Variants in AGBL4 observed in about 807,000 individuals in gnomAD.
AGBL4 encodes the protein cytosolic carboxypeptidase 6.
Under a neutral mutation model 66.4 loss-of-function variants are expected in AGBL4, and 58 were observed. The ratio of observed to expected loss-of-function variants is 0.87; its 90% CI spans 0.71 to 1.09. The LOEUF (loss-of-function observed/expected upper bound fraction) is 1.09. AGBL4 is among the 50% of genes least tolerant of loss of function. The pLI is 0.00. For missense variants in AGBL4, 579 were observed against 631.0 expected (o/e 0.92, Z 0.88); for synonymous variants, 234 against 222.9 (o/e 1.05, Z -0.44).
chr1:48,969,939 T>C (rs531260999), intron 5 of AGBL4, among the ~76,000 whole-genome samples: 1 of 152,318 alleles, frequency 6.6e-6, no homozygotes, highest in African/African-American at 2.4e-5. Flanking sequence ...ATTCTAAGCA[T>C]ATTACTTGTA....
At chr1:49,940,717 G>A (rs927470394) in intron 1 of AGBL4, among the ~76,000 whole-genome samples, 3 of 152,042 alleles carry the variant, frequency 2.0e-5, no homozygotes, top group Non-Finnish European at 4.4e-5. Flanking sequence ...GGGGGTATGG[G>A]GGAGGGATAG....
At chr1:49,293,897 C>T (rs75125713) in intron 3 of AGBL4, among the ~76,000 whole-genome samples, 1 of 151,736 alleles carries the variant, frequency 6.6e-6, no homozygotes, top group East Asian at 1.9e-4. Context: ...CCAGGGCCAA[C>T]AAAAAAAATT....
At chr1:49,171,939 G>C (rs1057316104) in intron 4 of AGBL4, among the ~76,000 whole-genome samples, 7 of 152,130 alleles carry the variant, frequency 4.6e-5, no homozygotes, top group African/African-American at 1.7e-4. Flanking sequence ...CACTATCTTA[G>C]AGACAGGGAC....
intron 4 of AGBL4, among the ~76,000 whole-genome samples, chr1:49,139,636 G>A (rs1477691622): frequency 1.3e-5 from 2 of 152,158 alleles, no homozygotes; most frequent in East Asian, 1.9e-4. Flanking sequence ...AGCACTGTAT[G>A]TATAATAATT....
intron 4 of AGBL4, among the ~76,000 whole-genome samples, chr1:49,050,434 C>T (rs1039989890): frequency 3.3e-5 from 5 of 151,986 alleles, no homozygotes; most frequent in South Asian, 2.1e-4. Flanking sequence ...TCTAGTTCTC[C>T]GGGACCTATA....
chr1:49,632,490 C>T lies in AGBL4; in HGVS notation c.282+64823G>A, dbSNP rs375395149. Among the ~76,000 whole-genome samples the T allele has an allele frequency of 3.4e-4, 52 of 152,280 alleles. 1 individual carries two copies. The South Asian group carries it at 9.5e-3, about 28-fold the overall frequency. ...ATGTGGAAAAATTTTGTCTTAGAAGCTCATCTGTCCTCCTATGAGAAGATT... is the reference window on the plus strand; with the variant it reads ...ATGTGGAAAAATTTTGTCTTAGAAGTTCATCTGTCCTCCTATGAGAAGATT... On this transcript the variant is annotated intron_variant, in intron 3 of 13. Transcript: ENST00000371839.
At chr1:50,020,661 T>C (rs531629854) in intron 1 of AGBL4, among the ~76,000 whole-genome samples, 2 of 152,172 alleles carry the variant, frequency 1.3e-5, no homozygotes, top group African/African-American at 4.8e-5. Flanking sequence ...ATTTAAATTG[T>C]CAAAAAAACT....
At chr1:48,751,020 C>G (rs1273064800) in intron 6 of AGBL4, among the ~76,000 whole-genome samples, 1 of 152,166 alleles carries the variant, frequency 6.6e-6, no homozygotes, top group Non-Finnish European at 1.5e-5. Context: ...CCTTCCACTG[C>G]TTCATGATAT....
At chr1:49,911,507 C>A (rs1390107004) in intron 1 of AGBL4, among the ~76,000 whole-genome samples, 2 of 152,150 alleles carry the variant, frequency 1.3e-5, no homozygotes, top group Non-Finnish European at 2.9e-5. Context: ...AACTTCAAAT[C>A]AACAAACTTG....
chr1:48,776,687 C>G, intron 6 of AGBL4: 1 of 1,513,486 alleles, frequency 6.6e-7, no homozygotes, highest in Admixed American at 2.2e-5. Flanking sequence ...TCGGGCCCGG[C>G]GCCCAATTCC....
At chr1:49,045,416 G>A (rs1481721857) in intron 5 of AGBL4, among the ~76,000 whole-genome samples, 168 bp downstream of exon 5, 1 of 152,148 alleles carries the variant, frequency 6.6e-6, no homozygotes, top group Non-Finnish European at 1.5e-5. Context: ...TTAAAGAATT[G>A]TTAAATTAAT....
chr1:49,888,677 A>G (rs1648316667), intron 1 of AGBL4, among the ~76,000 whole-genome samples: 1 of 152,224 alleles, frequency 6.6e-6, no homozygotes, highest in Non-Finnish European at 1.5e-5. Context: ...GGTAGATTTC[A>G]GCTCAATAGA....
rs531338964 is a variant in AGBL4 at position 48,847,035 on chromosome 1, T to C, written c.634+20156A>G. 2.0e-4 allele frequency among the ~76,000 whole-genome samples: 31 copies of C among 152,204 alleles called. 1 individual carries two copies. In the South Asian group the frequency reaches 5.8e-3, roughly 29 times the overall value. ...AACGAACTTGGCTGGGCCTGGTGGC[T>C]CATGCCTGTAATCCCAGCACTTCGG... is the stretch of plus-strand genomic sequence containing the variant. On this transcript the variant is annotated intron_variant, in intron 6 of 13. Transcript: ENST00000371839.
intron 6 of AGBL4, among the ~76,000 whole-genome samples, chr1:48,708,207 C>T (rs1646910108): frequency 6.6e-6 from 1 of 152,160 alleles, no homozygotes; most frequent in South Asian, 2.1e-4. Context: ...CCAGCCCACA[C>T]CCAGGCTCAA....
At chr1:49,342,355 C>T (rs1026977601) in intron 3 of AGBL4, among the ~76,000 whole-genome samples, 2 of 152,108 alleles carry the variant, frequency 1.3e-5, no homozygotes, top group South Asian at 2.1e-4. Flanking sequence ...AAATGCAGGC[C>T]GAAAACAATT....
chr1:48,539,810 A>G (rs1644035051), intron 11 of AGBL4, 72 bp from the exon 12 acceptor site: 1 of 1,007,508 alleles, frequency 9.9e-7, no homozygotes, highest in Non-Finnish European at 1.4e-6. Flanking sequence ...CTACTAATAA[A>G]AATAATAACA....
chr1:49,255,531 T>C (rs1211438057), intron 3 of AGBL4, among the ~76,000 whole-genome samples: 1 of 152,052 alleles, frequency 6.6e-6, no homozygotes, highest in Non-Finnish European at 1.5e-5. Context: ...GGCAAGGTTG[T>C]GGAGAAAAAG....
rs1340353052 is a variant in AGBL4, at chr1:50,019,573, G to T, written c.34+4190C>A. ...CAATTTCAACATTCTGCCCATAATT[G>T]GTTTCTGATTCATATAAACCTGCTT... is the stretch of plus-strand genomic sequence containing the variant. On this transcript the variant is annotated intron_variant, in intron 1 of 13. Transcript: ENST00000371839. 7.2e-5 allele frequency among the ~76,000 whole-genome samples: 11 copies of T among 151,832 alleles called. No homozygotes were observed. In the South Asian group the frequency reaches 2.3e-3, roughly 32 times the overall value.
intron 3 of AGBL4, among the ~76,000 whole-genome samples, chr1:49,351,457 A>G (rs536279022): frequency 7.4e-5 from 11 of 148,334 alleles, no homozygotes; most frequent in South Asian, 2.1e-4. Context: ...ACACATATGT[A>G]TATATATATA....
Sources: allele counts gnomAD v4.1 joint callset (sites outside exome capture counted in the v4.1 genomes callset), GRCh38; gene constraint gnomAD v4.1.1; transcripts MANE v1.5; gene names NCBI Gene and HGNC (gene_info 2026-07-23, HGNC 2026-07-21).